The following SLC25A13 variants were observed in gnomAD, a reference collection of about 807,000 sequenced individuals.
SLC25A13 encodes the protein solute carrier family 25 member 13, also known as electrogenic aspartate/glutamate antiporter SLC25A13, mitochondrial.
In SLC25A13, 70 loss-of-function variants were observed where a neutral mutation model predicts 85.5. The observed-to-expected ratio is 0.82, with a 90% CI of 0.68 to 1.00. SLC25A13 has a LOEUF of 1.00. Ranked by LOEUF, SLC25A13 falls within the 50% of genes least tolerant of loss-of-function variation. SLC25A13 has a pLI of 0.00. For synonymous variants in SLC25A13, 259 were observed against 288.7 expected (o/e 0.90, Z 1.04); for missense variants, 765 against 819.8 (o/e 0.93, Z 0.82).
chr7:96,122,484 C>G (rs1345919122), intron 15 of SLC25A13, among the ~76,000 whole-genome samples: 1 of 152,018 alleles, frequency 6.6e-6, no homozygotes, highest in Non-Finnish European at 1.5e-5. Flanking sequence ...TCAACCACCC[C>G]CTACTCTCCA....
At chr7:96,161,982 C>T (rs1793524418) in intron 13 of SLC25A13, among the ~76,000 whole-genome samples, 1 of 152,148 alleles carries the variant, frequency 6.6e-6, no homozygotes, top group Non-Finnish European at 1.5e-5. Flanking sequence ...CATAATGTAT[C>T]TTGATTAATT....
intron 11 of SLC25A13, among the ~76,000 whole-genome samples, chr7:96,182,421 C>T (rs1396583053): frequency 6.6e-6 from 1 of 152,216 alleles, no homozygotes. Context: ...CTGTCTCTTG[C>T]CCTTAAGGTT....
At chr7:96,321,791 CT>C (rs1800356475) in intron 1 of SLC25A13, 150 bp downstream of exon 1, 1 of 1,015,360 alleles carries the variant, frequency 9.8e-7, no homozygotes, top group South Asian at 1.8e-5. Context: ...GAGTGGCCCC[CT>C]CCCTCCAGCA....
chr7:96,166,540 G>C (rs1793752942), intron 13 of SLC25A13, among the ~76,000 whole-genome samples: 1 of 151,636 alleles, frequency 6.6e-6, no homozygotes, highest in Non-Finnish European at 1.5e-5. Flanking sequence ...AAAGATCAAA[G>C]GATCAAAAGC....
At chr7:96,139,152 T>C (rs555144532) in intron 14 of SLC25A13, among the ~76,000 whole-genome samples, 9 of 152,322 alleles carry the variant, frequency 5.9e-5, no homozygotes, top group African/African-American at 2.2e-4. Flanking sequence ...ATACTATGAA[T>C]AGGTAGGTAT....
At chr7:96,285,893 G>A (rs564785804) in intron 2 of SLC25A13, among the ~76,000 whole-genome samples, 72 of 152,234 alleles carry the variant, frequency 4.7e-4, no homozygotes, top group African/African-American at 1.6e-3. Context: ...AACGCATGTC[G>A]TTAAGACTAG....
intron 13 of SLC25A13, among the ~76,000 whole-genome samples, chr7:96,156,869 A>T (rs1793289441): frequency 6.6e-6 from 1 of 152,194 alleles, no homozygotes; most frequent in Admixed American, 6.5e-5. Context: ...TTAGGCTCAA[A>T]AATATATAAC....
intron 11 of SLC25A13, among the ~76,000 whole-genome samples, chr7:96,182,119 A>G (rs1188679420): frequency 6.6e-6 from 1 of 152,218 alleles, no homozygotes; most frequent in African/African-American, 2.4e-5. Flanking sequence ...ACAATTATTA[A>G]TTATTGATGA....
intron 2 of SLC25A13, among the ~76,000 whole-genome samples, chr7:96,289,807 G>A (rs1039159202): frequency 6.6e-6 from 1 of 152,204 alleles, no homozygotes; most frequent in Non-Finnish European, 1.5e-5. Context: ...AAGTGATGGG[G>A]AGAATGAAAC....
chr7:96,296,810 A>G lies in SLC25A13; in HGVS notation c.69+88T>C. On this transcript the variant is annotated intron_variant, in intron 2 of 17. Coordinates refer to ENST00000265631, the MANE Select transcript of SLC25A13 (RefSeq NM_014251.3). ...CTTTGGGACTTTTTCAAAATATAAC[A>G]ACGAAATAAAGAGCTGTTTGAAAAT... 6 of 1,342,014 alleles carry G rather than the reference A, an allele frequency of 4.5e-6. No homozygotes were observed. In the South Asian group the frequency reaches 4.7e-5, roughly 11 times the overall value. 83.1% of individuals were successfully genotyped at this position (1,342,014 alleles called of 1,614,324 possible). A position where few individuals can be genotyped will look rare whatever the true frequency, so the allele number is the denominator to read the frequency against.
At chr7:96,226,535 T>A (rs764828686) in intron 4 of SLC25A13, among the ~76,000 whole-genome samples, 15 of 152,086 alleles carry the variant, frequency 9.9e-5, no homozygotes, top group Admixed American at 3.3e-4. Flanking sequence ...CATATGGTAC[T>A]TCTATTTGTA....
chr7:96,163,388 C>G (rs1030717816), intron 13 of SLC25A13, among the ~76,000 whole-genome samples: 1 of 152,172 alleles, frequency 6.6e-6, no homozygotes, highest in East Asian at 1.9e-4. Context: ...GGATATCTAT[C>G]CCGGTTGACC....
rs143280724 is a variant in SLC25A13 at position 96,291,863 on chromosome 7, C to G, written c.69+5035G>C. Among the ~76,000 whole-genome samples the G allele has an allele frequency of 4.3e-4, 66 of 152,224 alleles. No homozygotes were observed. In the East Asian group the frequency reaches 0.01, roughly 24 times the overall value. ...CTACCAGAGGTACAAGGAGGAGCTGCTACCATTCTTTCTGAAACTATTCCA... is the reference window on the plus strand; with the variant it reads ...CTACCAGAGGTACAAGGAGGAGCTGGTACCATTCTTTCTGAAACTATTCCA... On this transcript the variant is annotated intron_variant, in intron 2 of 17. Coordinates refer to ENST00000265631, the MANE Select transcript of SLC25A13 (RefSeq NM_014251.3).
intron 13 of SLC25A13, among the ~76,000 whole-genome samples, chr7:96,147,529 T>C (rs766391568): frequency 3.9e-5 from 6 of 152,238 alleles, no homozygotes; most frequent in Admixed American, 6.5e-5. Flanking sequence ...GCTAAGCCTA[T>C]ATTTATCACA....
chr7:96,208,272 A>C (rs1434528568), intron 5 of SLC25A13, among the ~76,000 whole-genome samples: 2 of 152,172 alleles, frequency 1.3e-5, no homozygotes, highest in Non-Finnish European at 2.9e-5. Flanking sequence ...CTCAATGTGT[A>C]TTCCTTCTAA....
At position 96,139,945 on chromosome 7, in the gene SLC25A13, C is replaced by CTTT. The variant is rs59749381; in HGVS notation, c.1452+6608_1452+6610dup. Among the ~76,000 whole-genome samples, 640 of 86,364 alleles carry CTTT rather than the reference C, an allele frequency of 7.4e-3. 12 individuals carry two copies. Among genetic ancestry groups the CTTT allele is most frequent in the Non-Finnish European group, 9.7e-3 (438 of 45,012 alleles). The allele number at this position is 86,364 out of a possible 152,430, so 56.7% of individuals were successfully genotyped here. A position where few individuals can be genotyped will look rare whatever the true frequency, so the allele number is the denominator to read the frequency against. ...CTCCTTCAGATATCTGATTTCCATTCTTTTTTTTTTTTTTTTTTTTTTTTT... is the reference window on the plus strand; with the variant it reads ...CTCCTTCAGATATCTGATTTCCATTCTTTTTTTTTTTTTTTTTTTTTTTTTTTT... On this transcript the variant is annotated intron_variant, in intron 14 of 17. Transcript: ENST00000265631.
chr7:96,318,612 T>A (rs1021087195), intron 1 of SLC25A13, among the ~76,000 whole-genome samples: 46 of 152,124 alleles, frequency 3.0e-4, no homozygotes, highest in African/African-American at 1.1e-3. Flanking sequence ...ATAGCAAAAT[T>A]CAAAATAAAA....
Position 96,127,497 on chromosome 7 carries a change from C to T in SLC25A13, c.1591+4246G>A, listed in dbSNP as rs898514214. Among the ~76,000 whole-genome samples the T allele has an allele frequency of 2.0e-5, 3 of 152,092 alleles. No individual in the cohort carries two copies. The East Asian group carries it at 5.8e-4, about 29-fold the overall frequency. On this transcript the variant is annotated intron_variant, in intron 15 of 17. Coordinates refer to ENST00000265631, the MANE Select transcript of SLC25A13 (RefSeq NM_014251.3). ...TTCTCTAGGTGAGGATACCAATAAC[C>T]ACTTTTGCTAAAAAGCTACATATTA... is the stretch of plus-strand genomic sequence containing the variant.
intron 3 of SLC25A13, among the ~76,000 whole-genome samples, chr7:96,276,449 C>T (rs1360026835): frequency 2.0e-5 from 3 of 152,036 alleles, no homozygotes; most frequent in African/African-American, 4.8e-5. Flanking sequence ...CGGCAAAATC[C>T]CGTCTCTACA....
Sources: allele counts gnomAD v4.1 joint callset (sites outside exome capture counted in the v4.1 genomes callset), GRCh38; gene constraint gnomAD v4.1.1; transcripts MANE v1.5; gene names NCBI Gene and HGNC (gene_info 2026-07-23, HGNC 2026-07-21).